Variants in ZYG11B observed in about 807,000 individuals in gnomAD.
The protein encoded by ZYG11B is protein zyg-11 homolog B.
ZYG11B carries 36 observed loss-of-function variants against 82.4 expected under a neutral mutation model. The observed-to-expected ratio is 0.44, with a 90% confidence interval of 0.33 to 0.58. The LOEUF (loss-of-function observed/expected upper bound fraction) is 0.58. Ranked by LOEUF, ZYG11B falls within the 20% of genes least tolerant of loss-of-function variation. ZYG11B has a pLI of 0.02. For synonymous variants in ZYG11B, 303 were observed against 312.8 expected (o/e 0.97, Z 0.33); for missense variants, 552 against 895.6 (o/e 0.62, Z 4.90).
chr1:52,756,048 C>T (rs1300423779), intron 1 of ZYG11B, among the ~76,000 whole-genome samples: 1 of 152,184 alleles, frequency 6.6e-6, no homozygotes, highest in African/African-American at 2.4e-5. Flanking sequence ...GATCCTCCCA[C>T]CTCGGCCCTA....
intron 5 of ZYG11B, among the ~76,000 whole-genome samples, chr1:52,787,091 C>CAA (rs11444889): frequency 3.1e-4 from 46 of 147,288 alleles, no homozygotes; most frequent in Admixed American, 1.6e-3. Flanking sequence ...ACTCTTGTCT[C>CAA]AAAAAAAAAA....
At chr1:52,763,601 T>C (rs1644655605) in intron 2 of ZYG11B, among the ~76,000 whole-genome samples, 1 of 152,072 alleles carries the variant, frequency 6.6e-6, no homozygotes, top group East Asian at 1.9e-4. Context: ...ATTATAGTTA[T>C]GAACCACCGC....
At chr1:52,770,558 G>C (rs1644740918) in intron 2 of ZYG11B, among the ~76,000 whole-genome samples, 1 of 152,122 alleles carries the variant, frequency 6.6e-6, no homozygotes, top group Admixed American at 6.6e-5. Flanking sequence ...GGTCCAAACT[G>C]ATGGAGGGTT....
intron 4 of ZYG11B, among the ~76,000 whole-genome samples, chr1:52,784,576 T>G (rs1644897043): frequency 6.6e-6 from 1 of 152,228 alleles, no homozygotes; most frequent in Admixed American, 6.5e-5. Context: ...ATTTATTCAC[T>G]GCCTTCCATA....
Position 52,771,200 on chromosome 1 carries a change from G to T in ZYG11B, c.377G>T (p.Ser126Ile), listed in dbSNP as rs771095301. 1.9e-6 allele frequency: 3 copies of T among 1,614,250 alleles called. No individual in the cohort carries two copies. The South Asian group carries it at 3.3e-5, about 18-fold the overall frequency. ...GATATCACGATTACAGACATTATCA[G>T]TGGGCTTGGCAGTAACAAATGGATC... ...NADITITDII[S>I]GLGSNKWIQQ... Residue 126 changes from serine (S) to isoleucine (I), a missense_variant, in exon 3 of 14, where the codon AGT (serine) becomes ATT (isoleucine). Physicochemically the swap from Ser to Ile is moderately radical, Grantham distance 142 (BLOSUM62 -2). Around this residue, in one of 3 missense-constraint regions of ZYG11B, gnomAD observed 359 missense variants for 555.8 expected, o/e 0.65. Transcript: ENST00000294353. This position sits in a 1 kb window ranked among gnomAD's most constrained non-coding sequence, Gnocchi z 5.4.
At chr1:52,793,493 A>G (rs1183473043) in intron 6 of ZYG11B, among the ~76,000 whole-genome samples, 2 of 152,216 alleles carry the variant, frequency 1.3e-5, no homozygotes, top group African/African-American at 4.8e-5. Flanking sequence ...CTCCGTCTCA[A>G]AAACAAAAAG....
intron 1 of ZYG11B, among the ~76,000 whole-genome samples, chr1:52,743,765 T>C (rs1353027799): frequency 6.6e-6 from 1 of 152,158 alleles, no homozygotes; most frequent in South Asian, 2.1e-4. Flanking sequence ...TAAGTATTTA[T>C]AGTCTACAAT....
At chr1:52,780,272 T>C (rs1419611342) in intron 4 of ZYG11B, among the ~76,000 whole-genome samples, 3 of 152,166 alleles carry the variant, frequency 2.0e-5, no homozygotes. Flanking sequence ...CACCAGCTAC[T>C]GTAGAAAATG....
At chr1:52,814,020 G>A (rs1023686270) in intron 12 of ZYG11B, 108 bp downstream of exon 12, 11 of 990,120 alleles carry the variant, frequency 1.1e-5, no homozygotes, top group Admixed American at 7.1e-5. Context: ...CTCAATATTG[G>A]TTATTTATTT....
chr1:52,774,402 G>A (rs1220662749), intron 3 of ZYG11B, among the ~76,000 whole-genome samples: 1 of 150,596 alleles, frequency 6.6e-6, no homozygotes, highest in Non-Finnish European at 1.5e-5. Context: ...CCACCTCCCA[G>A]GTTTTGACGA....
chr1:52,731,387 C>T (rs1188222163), intron 1 of ZYG11B, among the ~76,000 whole-genome samples: 1 of 152,118 alleles, frequency 6.6e-6, no homozygotes, highest in African/African-American at 2.4e-5. Flanking sequence ...TGGAGTTCTC[C>T]ATTCAAGGAA....
rs146401127 is a variant in ZYG11B, at chr1:52,822,145, T to G, written c.*516T>G. The stretch of plus-strand genomic sequence containing the variant: ...GGATCATCTTGTGGAAGCTAATCAC[T>G]GGCAGGAGCCTGGATGGCTGGCGGA... On this transcript the variant is annotated 3_prime_UTR_variant, in exon 14 of 14. Coordinates refer to ENST00000294353, the MANE Select transcript of ZYG11B (RefSeq NM_024646.3). 6 of 152,314 alleles carry G rather than the reference T, an allele frequency of 3.9e-5. No individual in the cohort carries two copies. Among genetic ancestry groups the G allele is most frequent in the African/African-American group, 1.4e-4 (6 of 41,458 alleles). 9.4% of individuals were successfully genotyped at this position (152,314 alleles called of 1,614,324 possible).
In ZYG11B at chr1:52,825,472, G is replaced by A. The variant is rs758238299; in HGVS notation, c.*3843G>A. The A allele has an allele frequency of 1.3e-5, 2 of 152,074 alleles. No individual in the cohort carries two copies. The highest frequency in any genetic ancestry group is 2.4e-5 in the African/African-American group (1 of 41,398). The allele number at this position is 152,074 out of a possible 1,614,324, so 9.4% of individuals were successfully genotyped here. On this transcript the variant is annotated 3_prime_UTR_variant, in exon 14 of 14. Coordinates refer to ENST00000294353, the MANE Select transcript of ZYG11B (RefSeq NM_024646.3). ...CACCTTAAGTAGATTACACATGGTT[G>A]AGGTGAATAAAGCTGCATGGGAATT...
At chr1:52,818,055 C>T (rs1246526805) in intron 13 of ZYG11B, among the ~76,000 whole-genome samples, 4 of 150,300 alleles carry the variant, frequency 2.7e-5, no homozygotes, top group African/African-American at 7.3e-5. Context: ...CTGGGCTGAT[C>T]TTGAACCCCT....
At chr1:52,800,621 C>T (rs576339120) in intron 8 of ZYG11B, among the ~76,000 whole-genome samples, 1 of 152,000 alleles carries the variant, frequency 6.6e-6, no homozygotes, top group East Asian at 1.9e-4. Flanking sequence ...CCAGTGTGGC[C>T]AACATGGTGA....
In ZYG11B at chr1:52,765,578, A is replaced by G. The variant is rs530965137; in HGVS notation, c.197-5442A>G. ...TAGAGTGCAATCATAGCTTACTATA[A>G]TCTCAAACTCCTGGGCTCAAGCGAC... On this transcript the variant is annotated intron_variant, in intron 2 of 13. Transcript: ENST00000294353. 2.0e-5 allele frequency among the ~76,000 whole-genome samples: 3 copies of G among 151,854 alleles called. No homozygotes were observed. In the East Asian group the frequency reaches 5.8e-4, roughly 29 times the overall value.
At chr1:52,806,438 G>T (rs1189997313) in intron 10 of ZYG11B, among the ~76,000 whole-genome samples, 1 of 152,144 alleles carries the variant, frequency 6.6e-6, no homozygotes, top group East Asian at 1.9e-4. Flanking sequence ...GACTGTAATT[G>T]TAGATGTATG....
chr1:52,797,485 A>G (rs1645035483), intron 8 of ZYG11B, among the ~76,000 whole-genome samples: 1 of 105,792 alleles, frequency 9.5e-6, no homozygotes, highest in African/African-American at 3.7e-5. Flanking sequence ...TATGATATAT[A>G]ATATGTATAA....
chr1:52,766,293 G>A (rs1385233099), intron 2 of ZYG11B, among the ~76,000 whole-genome samples: 1 of 151,572 alleles, frequency 6.6e-6, no homozygotes, highest in Non-Finnish European at 1.5e-5. Context: ...GCTAATTTTT[G>A]TATTTTTAGT....
Sources: allele counts gnomAD v4.1 joint callset (sites outside exome capture counted in the v4.1 genomes callset), GRCh38; gene constraint gnomAD v4.1.1; regional missense constraint gnomAD v4.1.1; non-coding constraint Gnocchi (gnomAD v3.1); transcripts MANE v1.5; gene names NCBI Gene and HGNC (gene_info 2026-07-23, HGNC 2026-07-21).